Variants in CLNK observed in about 807,000 individuals in gnomAD.
The protein encoded by CLNK is cytokine dependent hematopoietic cell linker, also known as cytokine-dependent hematopoietic cell linker.
CLNK carries 74 observed loss-of-function variants against 68.6 expected under a neutral mutation model. The observed-to-expected ratio is 1.08, with a 90% CI of 0.89 to 1.31. The LOEUF is 1.31. CLNK is among the 50% of genes most tolerant of loss of function. The pLI, the probability that CLNK is intolerant of heterozygous loss-of-function variation, is 0.00. For synonymous variants in CLNK, 198 were observed against 172.2 expected (o/e 1.15, Z -1.17); for missense variants, 553 against 515.3 (o/e 1.07, Z -0.71).
Position 10,537,854 on chromosome 4 carries a change from A to G in CLNK, c.602+2640T>C, listed in dbSNP as rs1440144285. 2.7e-5 allele frequency among the ~76,000 whole-genome samples: 4 copies of G among 146,274 alleles called. No individual in the cohort carries two copies. In the East Asian group the frequency reaches 8.0e-4, roughly 29 times the overall value. On this transcript the variant is annotated intron_variant, in intron 11 of 18. Transcript: ENST00000226951. ...TGCTGTGACGGATATTATCCTAGGC[A>G]CTTTACAGGAATGGCATACCTTATC... is the stretch of plus-strand genomic sequence containing the variant.
chr4:10,676,046 AGTGTGTGTGTGTGTGT>A (rs34091285), intron 1 of CLNK, among the ~76,000 whole-genome samples: 1 of 148,714 alleles, frequency 6.7e-6, no homozygotes, highest in Admixed American at 6.7e-5. Context: ...GAGCCAGAAG[AGTGTGTGTGTGTGTGT>A]GTGTGTGTGT....
At chr4:10,549,056 T>C (rs1042155703) in intron 8 of CLNK, among the ~76,000 whole-genome samples, 2 of 152,216 alleles carry the variant, frequency 1.3e-5, no homozygotes, top group East Asian at 3.8e-4. Context: ...TTCATTATAA[T>C]GTAGGATTAT....
intron 18 of CLNK, among the ~76,000 whole-genome samples, chr4:10,491,607 A>G (rs1716575280): frequency 6.6e-6 from 1 of 150,932 alleles, no homozygotes; most frequent in African/African-American, 2.4e-5. Context: ...TTTCAGGTTT[A>G]GGGAAATGGG....
rs111742346 is a variant in CLNK at position 10,626,831 on chromosome 4, C to T, written c.12-28782G>A. On this transcript the variant is annotated intron_variant, in intron 2 of 18. Transcript: ENST00000226951. ...ATGTCTGACATGGAGTGTCATGCCA[C>T]GTGCTTTATGCTTCACTCCTGGTTC... 6.6e-3 allele frequency among the ~76,000 whole-genome samples: 1,010 copies of T among 152,298 alleles called. 10 individuals are homozygous for T. The highest frequency in any genetic ancestry group is 0.022 in the African/African-American group (935 of 41,558).
chr4:10,496,871 C>A lies in CLNK; in HGVS notation c.1140+4385G>T, dbSNP rs59325794. Among the ~76,000 whole-genome samples, 795 of 152,156 alleles carry A rather than the reference C, an allele frequency of 5.2e-3. 7 individuals carry two copies. Among genetic ancestry groups the A allele is most frequent in the Non-Finnish European group, 5.9e-3 (404 of 68,014 alleles). The stretch of plus-strand genomic sequence containing the variant: ...GGAAACCTCTAGCAGATATTTAAAC[C>A]GCAGAAAATTCTTTAAGGGTGCTCT... On this transcript the variant is annotated intron_variant, in intron 18 of 18. Coordinates refer to ENST00000226951, the MANE Select transcript of CLNK (RefSeq NM_052964.4).
At chr4:10,505,142 A>G (rs1255572047) in intron 17 of CLNK, among the ~76,000 whole-genome samples, 2 of 152,210 alleles carry the variant, frequency 1.3e-5, no homozygotes, top group African/African-American at 4.8e-5. Flanking sequence ...ATGGACAGCC[A>G]GGGTTGGAAT....
intron 4 of CLNK, among the ~76,000 whole-genome samples, chr4:10,573,420 CA>C (rs966009562): frequency 1.3e-5 from 2 of 152,160 alleles, no homozygotes; most frequent in African/African-American, 4.8e-5. Context: ...GGTTGGATAG[CA>C]GCTCTAGGGC....
chr4:10,584,557 G>C, intron 4 of CLNK, among the ~76,000 whole-genome samples: 1 of 152,146 alleles, frequency 6.6e-6, no homozygotes, highest in East Asian at 1.9e-4. Context: ...CTCATGTTTT[G>C]GGGGTAACCA....
chr4:10,546,129 G>A (rs1044945588), intron 8 of CLNK, among the ~76,000 whole-genome samples: 5 of 152,158 alleles, frequency 3.3e-5, no homozygotes, highest in African/African-American at 1.2e-4. Context: ...TTCTATCCCT[G>A]TTAATCTCTT....
upstream of CLNK, among the ~76,000 whole-genome samples, chr4:10,688,313 G>C (rs1195319484): frequency 4.6e-5 from 7 of 152,116 alleles, no homozygotes; most frequent in African/African-American, 1.7e-4. Context: ...ATTCTGTCAA[G>C]TTTTCACTTT....
At chr4:10,517,079 T>C (rs1717869156) in intron 15 of CLNK, among the ~76,000 whole-genome samples, 1 of 152,194 alleles carries the variant, frequency 6.6e-6, no homozygotes, top group South Asian at 2.1e-4. Flanking sequence ...TCAAACACAA[T>C]GAAGAATCTG....
the CLNK span, among the ~76,000 whole-genome samples, chr4:10,709,042 G>A: frequency 1.4e-3 from 211 of 152,158 alleles, 1 homozygote; most frequent in African/African-American, 4.8e-3. Flanking sequence ...ACTTAAGCAG[G>A]GAGACTCACT....
At chr4:10,727,260 A>G in the CLNK span, among the ~76,000 whole-genome samples, 1 of 152,240 alleles carries the variant, frequency 6.6e-6, no homozygotes, top group African/African-American at 2.4e-5. Context: ...ACTTAAGGAC[A>G]TGAGTAGGAG....
the CLNK span, among the ~76,000 whole-genome samples, chr4:10,715,910 T>A: frequency 1.3e-5 from 2 of 152,196 alleles, no homozygotes; most frequent in Non-Finnish European, 2.9e-5. Flanking sequence ...CGTAGCTGCT[T>A]GGCAGAGAGA....
intron 8 of CLNK, among the ~76,000 whole-genome samples, chr4:10,549,376 G>A (rs1460763496): frequency 1.3e-5 from 2 of 152,084 alleles, no homozygotes; most frequent in Non-Finnish European, 2.9e-5. Context: ...AAAATTTGGG[G>A]GCCTTATTTA....
At chr4:10,699,482 C>T in the CLNK span, among the ~76,000 whole-genome samples, 3 of 71,822 alleles carry the variant, frequency 4.2e-5, no homozygotes, top group African/African-American at 2.0e-4. Flanking sequence ...CTCTCTCTCT[C>T]TCTCTCTCTC....
intron 2 of CLNK, among the ~76,000 whole-genome samples, chr4:10,607,558 C>G (rs1351465598): frequency 6.6e-6 from 1 of 152,226 alleles, no homozygotes; most frequent in African/African-American, 2.4e-5. Flanking sequence ...GGAAACACAA[C>G]CCACTGAATT....
At chr4:10,605,267 C>G (rs1016302315) in intron 2 of CLNK, among the ~76,000 whole-genome samples, 1 of 152,086 alleles carries the variant, frequency 6.6e-6, no homozygotes, top group African/African-American at 2.4e-5. Flanking sequence ...TATGTATATA[C>G]AGTGACACAT....
intron 2 of CLNK, among the ~76,000 whole-genome samples, chr4:10,662,248 T>C (rs1322293417): frequency 6.6e-6 from 1 of 152,170 alleles, no homozygotes; most frequent in Non-Finnish European, 1.5e-5. Flanking sequence ...ACTCTATAGG[T>C]AGCAACTTAA....
Sources: allele counts gnomAD v4.1 joint callset (sites outside exome capture counted in the v4.1 genomes callset), GRCh38; gene constraint gnomAD v4.1.1; transcripts MANE v1.5; gene names NCBI Gene and HGNC (gene_info 2026-07-23, HGNC 2026-07-21).